The following DENND1B variants were observed in gnomAD, a reference collection of about 807,000 sequenced individuals.
The protein encoded by DENND1B is DENN domain containing 1B.
Under a neutral mutation model 90.1 loss-of-function variants are expected in DENND1B, and 59 were observed. The ratio of observed to expected loss-of-function variants is 0.65; its 90% CI spans 0.53 to 0.81. The LOEUF (loss-of-function observed/expected upper bound fraction) is 0.81, where lower values mean the gene tolerates loss of function less well. Among genes scored for constraint, DENND1B ranks in the 40% least tolerant of loss-of-function variants. DENND1B has a pLI of 0.00. For missense variants in DENND1B, 862 were observed against 912.6 expected (o/e 0.94, Z 0.71); for synonymous variants, 337 against 324.6 (o/e 1.04, Z -0.41).
chr1:197,548,283 G>A (rs1444411399), intron 16 of DENND1B, among the ~76,000 whole-genome samples: 1 of 152,140 alleles, frequency 6.6e-6, no homozygotes, highest in Admixed American at 6.6e-5. Context: ...AGTGCCATAA[G>A]CAGTCAGTTC....
chr1:197,633,942 G>A (rs1408368773), intron 10 of DENND1B, among the ~76,000 whole-genome samples: 2 of 152,086 alleles, frequency 1.3e-5, no homozygotes, highest in Non-Finnish European at 2.9e-5. Context: ...AGCTTCCCCA[G>A]TACCTCTCAT....
intron 2 of DENND1B, among the ~76,000 whole-genome samples, chr1:197,744,413 C>G (rs908572648): frequency 1.3e-5 from 2 of 152,192 alleles, no homozygotes; most frequent in African/African-American, 4.8e-5. Context: ...TGTTAGCAAG[C>G]ATTAAAACTT....
At chr1:197,530,293 C>A (rs1669525207) in intron 20 of DENND1B, among the ~76,000 whole-genome samples, 1 of 152,096 alleles carries the variant, frequency 6.6e-6, no homozygotes, top group Non-Finnish European at 1.5e-5. Context: ...TGATCATAAT[C>A]CCATTTTCAT....
intron 3 of DENND1B, among the ~76,000 whole-genome samples, chr1:197,679,577 T>C (rs538258844): frequency 2.0e-5 from 3 of 151,090 alleles, no homozygotes; most frequent in East Asian, 3.9e-4. Context: ...TAGGATTATA[T>C]ATACACACAT....
rs371564724 is a variant in DENND1B, at chr1:197,595,378, G to C, written c.922-45C>G. 14 of 1,597,808 alleles carry C rather than the reference G, an allele frequency of 8.8e-6. No homozygotes were observed. In the African/African-American group the frequency reaches 1.8e-4, roughly 20 times the overall value. ...AGTTAAATTAACACCTCAGAAATTG[G>C]TACAGCGAGGTAGGAACCCAATCAG... is the stretch of plus-strand genomic sequence containing the variant. On this transcript the variant is annotated intron_variant, in intron 13 of 22. Coordinates refer to ENST00000620048, the MANE Select transcript of DENND1B (RefSeq NM_001195215.2).
chr1:197,745,099 G>A (rs1024985749), intron 2 of DENND1B, among the ~76,000 whole-genome samples: 1 of 152,166 alleles, frequency 6.6e-6, no homozygotes, highest in African/African-American at 2.4e-5. Context: ...ATGGTTTGTG[G>A]ATGGTTCCAT....
chr1:197,558,482 T>C, intron 15 of DENND1B, among the ~76,000 whole-genome samples: 1 of 151,806 alleles, frequency 6.6e-6, no homozygotes, highest in East Asian at 1.9e-4. Flanking sequence ...TTAGGAGCTA[T>C]GAGCCAGGAA....
chr1:197,621,683 C>T (rs541500725), intron 10 of DENND1B, among the ~76,000 whole-genome samples: 3 of 151,216 alleles, frequency 2.0e-5, no homozygotes, highest in African/African-American at 4.8e-5. Context: ...TTTCTAATAT[C>T]GTCAGTTGCT....
intron 2 of DENND1B, chr1:197,735,680 C>A (rs1210951621): frequency 1.2e-6 from 2 of 1,614,048 alleles, no homozygotes; most frequent in Non-Finnish European, 1.7e-6. Context: ...AGGTCTACCC[C>A]GGACACGGGA....
At chr1:197,774,865 G>C (rs533744677) in intron 1 of DENND1B, among the ~76,000 whole-genome samples, 1 of 152,008 alleles carries the variant, frequency 6.6e-6, no homozygotes, top group South Asian at 2.1e-4. Context: ...CCTGTCCCCC[G>C]AAAGGCGGGC....
At chr1:197,717,401 T>C (rs1660747724) in intron 2 of DENND1B, among the ~76,000 whole-genome samples, 1 of 151,894 alleles carries the variant, frequency 6.6e-6, no homozygotes, top group Non-Finnish European at 1.5e-5. Context: ...TGATATACAC[T>C]GTGTTTCTCT....
intron 20 of DENND1B, among the ~76,000 whole-genome samples, chr1:197,535,511 T>G (rs1380553167): frequency 1.3e-5 from 2 of 152,218 alleles, no homozygotes; most frequent in Admixed American, 6.5e-5. Context: ...ATAGTAATAC[T>G]CAGAACAGCA....
intron 16 of DENND1B, among the ~76,000 whole-genome samples, chr1:197,548,459 G>A (rs1161105730): frequency 1.3e-5 from 2 of 152,116 alleles, no homozygotes; most frequent in Non-Finnish European, 2.9e-5. Flanking sequence ...ATTATTGTGA[G>A]GATGAAAGAT....
intron 2 of DENND1B, among the ~76,000 whole-genome samples, chr1:197,740,230 T>A (rs1179269202): frequency 6.6e-6 from 1 of 152,112 alleles, no homozygotes. Flanking sequence ...TGCAAACCCT[T>A]GAAGGAGCAT....
chr1:197,573,897 A>C (rs1490013001), intron 15 of DENND1B, among the ~76,000 whole-genome samples: 1 of 152,220 alleles, frequency 6.6e-6, no homozygotes, highest in Non-Finnish European at 1.5e-5. Context: ...GGCAAAATTC[A>C]ACATCCCTTC....
intron 3 of DENND1B, among the ~76,000 whole-genome samples, chr1:197,700,186 G>C (rs1468583363): frequency 6.6e-6 from 1 of 152,098 alleles, no homozygotes; most frequent in East Asian, 1.9e-4. Flanking sequence ...AAAGAACAAA[G>C]TTGGAGGCAT....
Position 197,540,977 on chromosome 1 carries a change from C to T in DENND1B, c.1389G>A (p.Lys463=), listed in dbSNP as rs1346897691. 1 of 1,612,384 alleles carries T rather than the reference C, an allele frequency of 6.2e-7. No individual in the cohort carries two copies. Among genetic ancestry groups the T allele is most frequent in the African/African-American group, 1.3e-5 (1 of 74,848 alleles). Residue 463 remains lysine, a synonymous_variant, in exon 19 of 23, where the codon AAG becomes AAA. Transcript: ENST00000620048. Reference sequence around the variant, plus strand: ...GACATACCTTGTGTTTTAGTTTACTCTTCACTTCCTTTAGTCCCAGCTTTG... The same window carrying T: ...GACATACCTTGTGTTTTAGTTTACTTTTCACTTCCTTTAGTCCCAGCTTTG... ...NHAKLGLKEV[K]SKLKHKENEE... is the part of the protein sequence containing the mutation.
At chr1:197,540,111 C>T in intron 19 of DENND1B, 40 bp from the exon 20 acceptor site, 2 of 1,400,072 alleles carry the variant, frequency 1.4e-6, no homozygotes, top group South Asian at 1.3e-5. Context: ...TTGTAAAGTA[C>T]TCCTTTTATT....
chr1:197,775,430 T>TC lies in DENND1B; in HGVS notation c.-276dup, dbSNP rs1657199204. On this transcript the variant is annotated 5_prime_UTR_variant, in exon 1 of 23. Transcript: ENST00000620048. ...GGTAGCCGCCACCAAAGCTGAGGCC[T>TC]CTCAGTTCCTGCGACCGGGGCCGCC... 3.3e-6 allele frequency: 1 copy of TC among 302,492 alleles called. No homozygotes were observed. The highest frequency in any genetic ancestry group is 2.2e-5 in the African/African-American group (1 of 45,330). The allele number at this position is 302,492 out of a possible 1,614,324, so 18.7% of individuals were successfully genotyped here. A position where few individuals can be genotyped will look rare whatever the true frequency, so the allele number is the denominator to read the frequency against.
Sources: gnomAD v4.1 joint callset for allele counts (sites outside exome capture counted in the v4.1 genomes callset) on GRCh38, gnomAD v4.1.1 for gene constraint, MANE v1.5 for transcripts, NCBI Gene and HGNC (gene_info 2026-07-23, HGNC 2026-07-21) for gene names.